The following ARID2 variants were observed in gnomAD, a reference collection of about 807,000 sequenced individuals.
ARID2 encodes AT-rich interaction domain 2, also known as AT-rich interactive domain-containing protein 2.
In ARID2, 32 loss-of-function variants were observed where a neutral mutation model predicts 184.6. That is an observed-to-expected ratio of 0.17 (90% CI 0.13 to 0.23). The LOEUF (loss-of-function observed/expected upper bound fraction) is 0.23, where lower values mean the gene tolerates loss of function less well. Among genes scored for constraint, ARID2 ranks in the 10% least tolerant of loss-of-function variants. The probability of loss-of-function intolerance (pLI) is 1.00; values close to 1 mark genes in which losing one functional copy is unlikely to be tolerated. For missense variants in ARID2, 1,696 were observed against 2,197.6 expected, an observed-to-expected ratio of 0.77 and a Z score of 4.56; for synonymous variants, 836 against 772.6, an observed-to-expected ratio of 1.08 and a Z score of -1.36.
Position 45,814,255 on chromosome 12 carries a change from G to A in ARID2, c.418+2704G>A, listed in dbSNP as rs116965496. 4.2e-3 allele frequency among the ~76,000 whole-genome samples: 633 copies of A among 152,106 alleles called. 1 individual carries two copies. The highest frequency in any genetic ancestry group is 6.5e-3 in the Non-Finnish European group (440 of 67,972). On this transcript the variant is annotated intron_variant, in intron 4 of 20. Transcript: ENST00000334344. ...ACAGTGTACATAAACAGCACTCCAG[G>A]AACAACTCTCCCTTTCTTCTAAATT...
chr12:45,837,005 T>C lies in ARID2; in HGVS notation c.1023+14T>C. 1 of 1,607,394 alleles carries C rather than the reference T, an allele frequency of 6.2e-7. No homozygotes were observed. The stretch of plus-strand genomic sequence containing the variant: ...ATTGCAGCTGAGGTAAGCATGTGAC[T>C]GTACCTTAAACTAGTTTTTATAGTT... On this transcript the variant is annotated intron_variant, in intron 8 of 20. Coordinates refer to ENST00000334344, the MANE Select transcript of ARID2 (RefSeq NM_152641.4).
rs2138163464 is a variant in ARID2 at position 45,850,607 on chromosome 12, T to A, written c.2484T>A (p.Pro828=). Residue 828 remains proline, a synonymous_variant, in exon 15 of 21, where the codon CCT becomes CCA. Transcript: ENST00000334344. ...GQQLITTSPQ[P]VQTSSQQTSA... The stretch of plus-strand genomic sequence containing the variant: ...AGTTAATCACCACATCACCCCAACC[T>A]GTGCAAACTTCATCTCAACAGACAT... The A allele has an allele frequency of 6.2e-7, 1 of 1,614,102 alleles. No individual in the cohort carries two copies. The highest frequency in any genetic ancestry group is 8.5e-7 in the Non-Finnish European group (1 of 1,179,988).
chr12:45,805,384 C>G (rs1942581653), intron 3 of ARID2, among the ~76,000 whole-genome samples: 1 of 151,990 alleles, frequency 6.6e-6, no homozygotes, highest in South Asian at 2.1e-4. Context: ...TTAATTCTTA[C>G]TAGTTTTCTT....
In ARID2 at chr12:45,884,397, A is replaced by G. The variant is rs549527059; in HGVS notation, c.4923-7383A>G. Among the ~76,000 whole-genome samples, 5 of 151,796 alleles carry G rather than the reference A, an allele frequency of 3.3e-5. No homozygotes were observed. The East Asian group carries it at 5.8e-4, about 18-fold the overall frequency. On this transcript the variant is annotated intron_variant, in intron 16 of 20. Coordinates refer to ENST00000334344, the MANE Select transcript of ARID2 (RefSeq NM_152641.4). ...CTCAACAGAGTGAGATTCTGTCTCA[A>G]ACAAACAAACAAACAAACAAAACAT...
At chr12:45,866,863 C>G (rs1054774344) in intron 16 of ARID2, among the ~76,000 whole-genome samples, 2 of 152,134 alleles carry the variant, frequency 1.3e-5, no homozygotes, top group Non-Finnish European at 1.5e-5. Flanking sequence ...CCATTGTTTA[C>G]ATTAAGATTT....
intron 3 of ARID2, among the ~76,000 whole-genome samples, chr12:45,785,000 C>T (rs1592074804): frequency 6.6e-6 from 1 of 152,290 alleles, no homozygotes; most frequent in East Asian, 1.9e-4. Flanking sequence ...CTTTATCTTT[C>T]TGTTATAATA....
chr12:45,837,880 G>C (rs1200516150), intron 10 of ARID2, among the ~76,000 whole-genome samples, 173 bp downstream of exon 10: 1 of 152,058 alleles, frequency 6.6e-6, no homozygotes, highest in East Asian at 1.9e-4. Context: ...ATTCAGTGAT[G>C]GCTATTTTTA....
chr12:45,897,005 T>C (rs1944377445), intron 20 of ARID2, among the ~76,000 whole-genome samples: 1 of 152,146 alleles, frequency 6.6e-6, no homozygotes, highest in African/African-American at 2.4e-5. Context: ...GAAAGAACAA[T>C]GTTGCAGGAC....
intron 3 of ARID2, among the ~76,000 whole-genome samples, chr12:45,801,763 T>C (rs1378435717): frequency 1.3e-5 from 2 of 151,924 alleles, no homozygotes; most frequent in Non-Finnish European, 2.9e-5. Context: ...TGTTTTTAAG[T>C]GGTTCACACA....
At chr12:45,888,490 C>T (rs192312875) in intron 16 of ARID2, among the ~76,000 whole-genome samples, 6 of 152,254 alleles carry the variant, frequency 3.9e-5, no homozygotes, top group Admixed American at 3.3e-4. Context: ...CTTAGCAAAG[C>T]TTGGCAATTT....
At chr12:45,838,182 T>C (rs1943255922) in intron 10 of ARID2, among the ~76,000 whole-genome samples, 1 of 152,240 alleles carries the variant, frequency 6.6e-6, no homozygotes, top group African/African-American at 2.4e-5. Flanking sequence ...AAGTGAAATA[T>C]GTTTCCTTCT....
At chr12:45,860,289 A>G (rs967873874) in intron 15 of ARID2, among the ~76,000 whole-genome samples, 7 of 152,236 alleles carry the variant, frequency 4.6e-5, no homozygotes, top group African/African-American at 1.7e-4. Context: ...GCTTACTGCA[A>G]ATTAGTTAAT....
intron 16 of ARID2, among the ~76,000 whole-genome samples, chr12:45,878,649 AGT>A (rs1187050858): frequency 6.6e-6 from 1 of 151,934 alleles, no homozygotes; most frequent in Admixed American, 6.6e-5. Flanking sequence ...TTTTTCCATT[AGT>A]CTTAGCATAT....
At chr12:45,730,561 CTG>C (rs963694247) in intron 2 of ARID2, among the ~76,000 whole-genome samples, 7 of 152,126 alleles carry the variant, frequency 4.6e-5, no homozygotes, top group African/African-American at 1.7e-4. Flanking sequence ...CACACAGACT[CTG>C]AGAGCAGTTT....
chr12:45,864,212 A>G (rs1592129477), intron 16 of ARID2, among the ~76,000 whole-genome samples: 2 of 152,218 alleles, frequency 1.3e-5, no homozygotes, highest in South Asian at 2.1e-4. Flanking sequence ...ATATCATCAC[A>G]TATTGATGCT....
At chr12:45,745,706 C>T (rs375918170) in intron 3 of ARID2, among the ~76,000 whole-genome samples, 3 of 152,106 alleles carry the variant, frequency 2.0e-5, no homozygotes, top group South Asian at 4.2e-4. Context: ...CAACAACATG[C>T]CTGGCTAATT....
intron 5 of ARID2, 79 bp from the exon 6 acceptor site, chr12:45,821,340 TC>T (rs1167392396): frequency 2.3e-6 from 2 of 864,972 alleles, no homozygotes; most frequent in African/African-American, 3.6e-5. Context: ...TTGTTGTTTT[TC>T]CAAGCCTATT....
intron 15 of ARID2, among the ~76,000 whole-genome samples, chr12:45,858,099 C>A (rs190953025): frequency 3.3e-5 from 5 of 152,290 alleles, no homozygotes; most frequent in Admixed American, 2.6e-4. Flanking sequence ...AGAGTAAATA[C>A]AATTCTTGTT....
chr12:45,805,050 A>G (rs747422364), intron 3 of ARID2, among the ~76,000 whole-genome samples: 1 of 152,080 alleles, frequency 6.6e-6, no homozygotes, highest in East Asian at 1.9e-4. Context: ...TATTGCCTCA[A>G]TATGCCACAG....
Sources: gnomAD v4.1 joint callset for allele counts (sites outside exome capture counted in the v4.1 genomes callset) on GRCh38, gnomAD v4.1.1 for gene constraint, MANE v1.5 for transcripts, NCBI Gene and HGNC (gene_info 2026-07-23, HGNC 2026-07-21) for gene names.